CADM2: variants seen among roughly 807,000 people sequenced by gnomAD.
The protein encoded by CADM2 is immunoglobulin superfamily member 4D.
In CADM2, 12 loss-of-function variants were observed where a neutral mutation model predicts 49.8. The observed-to-expected ratio is 0.24, with a 90% CI of 0.15 to 0.39. The LOEUF (loss-of-function observed/expected upper bound fraction) is 0.39. Ranked by LOEUF, CADM2 falls within the 10% of genes least tolerant of loss-of-function variation. The pLI is 1.00. For missense variants in CADM2, 378 were observed against 492.3 expected, an observed-to-expected ratio of 0.77 and a Z score of 2.20; for synonymous variants, 214 against 175.4, an observed-to-expected ratio of 1.22 and a Z score of -1.74.
chr3:84,992,061 T>C (rs1219046239), intron 1 of CADM2, among the ~76,000 whole-genome samples: 1 of 152,146 alleles, frequency 6.6e-6, no homozygotes, highest in South Asian at 2.1e-4. Flanking sequence ...TGTATGATAC[T>C]ATAATGATGG....
intron 1 of CADM2, among the ~76,000 whole-genome samples, chr3:85,601,130 G>GTGTATGTATATA (rs1328015269): frequency 2.7e-5 from 3 of 109,648 alleles, no homozygotes; most frequent in African/African-American, 1.2e-4. Context: ...ATATATGTGT[G>GTGTATGTATATA]TATATATATA....
At chr3:85,395,130 T>C (rs557289369) in intron 1 of CADM2, among the ~76,000 whole-genome samples, 1 of 148,766 alleles carries the variant, frequency 6.7e-6, no homozygotes, top group Admixed American at 6.7e-5. Context: ...AAAAAAAAAA[T>C]AAAGCAATAA....
intron 1 of CADM2, among the ~76,000 whole-genome samples, chr3:85,363,590 T>G (rs2032515747): frequency 6.6e-6 from 1 of 152,218 alleles, no homozygotes; most frequent in African/African-American, 2.4e-5. Flanking sequence ...TGTGGTATTT[T>G]GATTTGATAT....
intron 1 of CADM2, among the ~76,000 whole-genome samples, chr3:85,586,633 T>A (rs1163756621): frequency 6.6e-6 from 1 of 152,112 alleles, no homozygotes; most frequent in Non-Finnish European, 1.5e-5. Flanking sequence ...GTGGCTATTT[T>A]AAAGTCACGT....
At chr3:85,318,912 A>G (rs1213381131) in intron 1 of CADM2, among the ~76,000 whole-genome samples, 1 of 152,184 alleles carries the variant, frequency 6.6e-6, no homozygotes, top group Non-Finnish European at 1.5e-5. Context: ...CTGATGAATA[A>G]TGTAATTTAC....
At chr3:85,688,110 C>T (rs1019230764) in intron 1 of CADM2, among the ~76,000 whole-genome samples, 6 of 152,090 alleles carry the variant, frequency 3.9e-5, no homozygotes, top group South Asian at 2.1e-4. Flanking sequence ...AACCAGTCCT[C>T]GGTGCCAAAA....
chr3:85,650,171 T>C (rs923140974), intron 1 of CADM2, among the ~76,000 whole-genome samples: 19 of 152,160 alleles, frequency 1.2e-4, no homozygotes, highest in African/African-American at 4.1e-4. Flanking sequence ...AGCCGGCAGC[T>C]CTTCTTCGCC....
At chr3:85,991,099 G>A (rs1368469670) in intron 8 of CADM2, among the ~76,000 whole-genome samples, 1 of 152,140 alleles carries the variant, frequency 6.6e-6, no homozygotes, top group Non-Finnish European at 1.5e-5. Flanking sequence ...TATTGTCACA[G>A]GGACTGGGAG....
At chr3:84,988,222 A>G (rs1322907655) in intron 1 of CADM2, among the ~76,000 whole-genome samples, 3 of 152,202 alleles carry the variant, frequency 2.0e-5, no homozygotes, top group Non-Finnish European at 4.4e-5. Flanking sequence ...CTCCTGATGA[A>G]CATTTTTGTT....
At chr3:85,099,762 G>A (rs974151950) in intron 1 of CADM2, among the ~76,000 whole-genome samples, 1 of 152,028 alleles carries the variant, frequency 6.6e-6, no homozygotes, top group Admixed American at 6.6e-5. Flanking sequence ...GAGCCACCGC[G>A]CCTGGCCTCT....
chr3:85,890,149 T>TTA (rs1714229627), intron 5 of CADM2, among the ~76,000 whole-genome samples: 1 of 151,844 alleles, frequency 6.6e-6, no homozygotes, highest in Non-Finnish European at 1.5e-5. Flanking sequence ...TTTGGAGGAC[T>TTA]TCAATATTGA....
At chr3:84,973,529 A>G (rs2031610667) in intron 1 of CADM2, among the ~76,000 whole-genome samples, 1 of 152,178 alleles carries the variant, frequency 6.6e-6, no homozygotes, top group Admixed American at 6.5e-5. Context: ...TTTGTTCGAG[A>G]GGATGATTCA....
intron 1 of CADM2, among the ~76,000 whole-genome samples, chr3:85,284,740 A>T (rs2043585703): frequency 6.6e-6 from 1 of 152,012 alleles, no homozygotes; most frequent in South Asian, 2.1e-4. Context: ...GTGTGAGAGA[A>T]GTGGGTGGCA....
At chr3:85,954,129 A>G (rs545578304) in intron 7 of CADM2, among the ~76,000 whole-genome samples, 2 of 151,168 alleles carry the variant, frequency 1.3e-5, no homozygotes, top group Admixed American at 6.6e-5. Flanking sequence ...TATGAAATCA[A>G]TACCAAGAAT....
At chr3:85,732,094 C>CAAAAAAAAAAA (rs3044020) in intron 2 of CADM2, among the ~76,000 whole-genome samples, 1 of 90,826 alleles carries the variant, frequency 1.1e-5, no homozygotes, top group Admixed American at 1.3e-4. Flanking sequence ...CTAAGAATAC[C>CAAAAAAAAAAA]AAAAAAAAAA....
chr3:85,228,457 C>G (rs1488882801), intron 1 of CADM2, among the ~76,000 whole-genome samples: 2 of 151,758 alleles, frequency 1.3e-5, no homozygotes, highest in Admixed American at 1.3e-4. Flanking sequence ...GTGGTTTTAT[C>G]TACATTTGGT....
At chr3:85,467,990 T>C (rs2107602907) in intron 1 of CADM2, among the ~76,000 whole-genome samples, 1 of 151,602 alleles carries the variant, frequency 6.6e-6, no homozygotes, top group Middle Eastern at 3.4e-3. Flanking sequence ...CCGTCTCTAC[T>C]AAAAATACAA....
At chr3:84,999,366 G>C (rs73843257) in intron 1 of CADM2, among the ~76,000 whole-genome samples, 2 of 151,866 alleles carry the variant, frequency 1.3e-5, no homozygotes, top group Admixed American at 6.6e-5. Flanking sequence ...AATATATATC[G>C]TTGAATCATT....
chr3:85,523,409 C>T (rs926110159), intron 1 of CADM2, among the ~76,000 whole-genome samples: 1 of 151,996 alleles, frequency 6.6e-6, no homozygotes, highest in Non-Finnish European at 1.5e-5. Context: ...CGTTAATAAA[C>T]ATAACTCAAG....
Sources: gnomAD v4.1 joint callset for allele counts (sites outside exome capture counted in the v4.1 genomes callset) on GRCh38, gnomAD v4.1.1 for gene constraint, MANE v1.5 for transcripts, NCBI Gene and HGNC (gene_info 2026-07-23, HGNC 2026-07-21) for gene names.